Variants in RNF14 observed in about 807,000 individuals in gnomAD.
RNF14 encodes E3 ubiquitin-protein ligase RNF14.
In RNF14, 26 loss-of-function variants were observed where a neutral mutation model predicts 52.6. The ratio of observed to expected loss-of-function variants is 0.49; its 90% CI spans 0.36 to 0.69. RNF14 has a LOEUF of 0.69. RNF14 is among the 30% of genes least tolerant of loss of function. The pLI, the probability that RNF14 is intolerant of heterozygous loss-of-function variation, is 0.00. For missense variants in RNF14, 404 were observed against 560.4 expected, an observed-to-expected ratio of 0.72 and a Z score of 2.82; for synonymous variants, 194 against 202.0, an observed-to-expected ratio of 0.96 and a Z score of 0.34.
At chr5:141,952,457 T>G in the RNF14 span, 1 of 152,134 alleles carries the variant, frequency 6.6e-6, no homozygotes, top group African/African-American at 2.4e-5. Context: ...GGAAAGAGAA[T>G]GAAGGTCTGG....
chr5:141,956,598 C>T, upstream of RNF14: 1 of 1,614,220 alleles, frequency 6.2e-7, no homozygotes, highest in Non-Finnish European at 8.5e-7. Context: ...GCTCTCTGTC[C>T]AGTGTGGCAT....
At chr5:141,957,002 T>C (rs78397925), upstream of RNF14, 8,898 of 1,614,200 alleles carry the variant, frequency 5.5e-3, 29 homozygotes, top group Non-Finnish European at 6.4e-3. This position sits in a 1 kb window ranked among gnomAD's most constrained non-coding sequence, Gnocchi z 4.3. Context: ...ATGTGCTTAC[T>C]GAGGAAGAAC....
At chr5:141,983,229 G>T in intron 6 of RNF14, 151 bp from the exon 7 acceptor site, 2 of 585,748 alleles carry the variant, frequency 3.4e-6, no homozygotes, top group Admixed American at 3.6e-5. Flanking sequence ...ATTGTTATAT[G>T]CATCTCCATG....
At position 141,978,637 on chromosome 5, in the gene RNF14, A is replaced by G; in HGVS notation, c.641A>G (p.Asn214Ser). The G allele has an allele frequency of 6.2e-7, 1 of 1,614,004 alleles. No homozygotes were observed. Among genetic ancestry groups the G allele is most frequent in the East Asian group, 2.2e-5 (1 of 44,888 alleles). The part of the protein sequence containing the change: ...FDQAQQIKCF[N>S]SKLFLCSICF... ...CAAGCTCAGCAGATAAAATGCTTTA[A>G]TAGTAAATTGTTCCTGTGCAGTATC... The change falls in exon 5 of 9, where the codon AAT (asparagine) becomes AGT (serine). Residue 214 changes from asparagine (N) to serine (S), a missense_variant. Asn to Ser is a conservative substitution (Grantham distance 46). Coordinates refer to ENST00000394520, the MANE Select transcript of RNF14 (RefSeq NM_004290.5).
At chr5:141,954,949 A>G, upstream of RNF14, 1 of 1,593,078 alleles carries the variant, frequency 6.3e-7, no homozygotes, top group Non-Finnish European at 8.6e-7. Flanking sequence ...GACCAGAGAA[A>G]GAGCTGCCCA....
intron 4 of RNF14, among the ~76,000 whole-genome samples, chr5:141,977,898 T>C (rs955724099): frequency 1.3e-5 from 2 of 152,254 alleles, no homozygotes; most frequent in African/African-American, 4.8e-5. Context: ...CTAGGACTCC[T>C]AATGGAAGAA....
chr5:141,987,033 A>G (rs1755298404), intron 8 of RNF14, among the ~76,000 whole-genome samples: 1 of 152,230 alleles, frequency 6.6e-6, no homozygotes, highest in Non-Finnish European at 1.5e-5. Context: ...GTCTATTGGC[A>G]GGAAGAAATG....
At chr5:141,965,978 TAAAA>T (rs545449787), upstream of RNF14, among the ~76,000 whole-genome samples, 1 of 127,018 alleles carries the variant, frequency 7.9e-6, no homozygotes, top group Non-Finnish European at 1.7e-5. Flanking sequence ...ACTTAAAAGT[TAAAA>T]AAAAAAAAAA....
upstream of RNF14, among the ~76,000 whole-genome samples, chr5:141,964,247 A>G (rs1258346055): frequency 1.3e-5 from 2 of 152,064 alleles, no homozygotes; most frequent in Admixed American, 1.3e-4. Context: ...TAATCTGGCT[A>G]TTTCTCCTTA....
Position 141,984,944 on chromosome 5 carries a change from A to G in RNF14, c.1367+11A>G, listed in dbSNP as rs1360491726. The G allele has an allele frequency of 1.9e-6, 3 of 1,608,562 alleles. No homozygotes were observed. In the East Asian group the frequency reaches 6.7e-5, roughly 36 times the overall value. Reference sequence around the variant, plus strand: ...ACCATGTTTTAACCGGTATGTATACACAGAATTCCTCAGGCTCACCAGCAA... The same window carrying G: ...ACCATGTTTTAACCGGTATGTATACGCAGAATTCCTCAGGCTCACCAGCAA... On this transcript the variant is annotated intron_variant, in intron 8 of 8. Coordinates refer to ENST00000394520, the MANE Select transcript of RNF14 (RefSeq NM_004290.5).
intron 4 of RNF14, 77 bp downstream of exon 4, chr5:141,975,032 G>T: frequency 6.8e-7 from 1 of 1,473,456 alleles, no homozygotes; most frequent in Non-Finnish European, 9.3e-7. Flanking sequence ...CTATCTTAAA[G>T]ATCTTGAATT....
At chr5:141,985,020 T>A in intron 8 of RNF14, 87 bp downstream of exon 8, 1 of 1,152,494 alleles carries the variant, frequency 8.7e-7, no homozygotes, top group Non-Finnish European at 1.2e-6. Flanking sequence ...ATTTAAGTAC[T>A]TGGACTTATT....
chr5:141,974,720 A>G, intron 3 of RNF14, 84 bp from the exon 4 acceptor site: 1 of 1,305,944 alleles, frequency 7.7e-7, no homozygotes, highest in Non-Finnish European at 1.1e-6. Flanking sequence ...CTAAAGCATT[A>G]AGTCTTTCTT....
chr5:141,972,440 T>C (rs1209955537), intron 2 of RNF14, among the ~76,000 whole-genome samples: 1 of 152,018 alleles, frequency 6.6e-6, no homozygotes, highest in South Asian at 2.1e-4. Flanking sequence ...AGCGGGCCAC[T>C]ATTGGGTATC....
At chr5:141,966,702 G>A (rs1281154818), upstream of RNF14, 1 of 152,272 alleles carries the variant, frequency 6.6e-6, no homozygotes, top group East Asian at 1.9e-4. Flanking sequence ...TAAATCTTTA[G>A]TTCACTTTAA....
In RNF14 at chr5:141,988,314, G is replaced by A. The variant is rs1205200948; in HGVS notation, c.*524G>A. On this transcript the variant is annotated 3_prime_UTR_variant, in exon 9 of 9. Coordinates refer to ENST00000394520, the MANE Select transcript of RNF14 (RefSeq NM_004290.5). ...AATTTCTGCCAAGTCAGTTCTCTTT[G>A]GAGGAAGCCCATTACTCCGTAACTG... 2 of 152,846 alleles carry A rather than the reference G, an allele frequency of 1.3e-5. No homozygotes were observed. Among genetic ancestry groups the A allele is most frequent in the African/African-American group, 4.8e-5 (2 of 41,390 alleles). 9.5% of individuals were successfully genotyped at this position (152,846 alleles called of 1,614,324 possible).
chr5:141,956,432 AGTT>A, upstream of RNF14: 1 of 1,614,196 alleles, frequency 6.2e-7, no homozygotes. Context: ...AGAGAGGGTA[AGTT>A]GTTTTCCCGC....
the RNF14 span, chr5:141,949,675 A>G: frequency 6.8e-7 from 1 of 1,472,226 alleles, no homozygotes; most frequent in African/African-American, 1.4e-5. Context: ...ATTTACCCAT[A>G]TAGGGAACTG....
At chr5:141,981,130 C>T (rs959148669) in intron 6 of RNF14, among the ~76,000 whole-genome samples, 1 of 152,098 alleles carries the variant, frequency 6.6e-6, no homozygotes, top group South Asian at 2.1e-4. Flanking sequence ...GCAGCTAGAG[C>T]AGATAACAAT....
Sources: gnomAD v4.1 joint callset for allele counts (sites outside exome capture counted in the v4.1 genomes callset) on GRCh38, gnomAD v4.1.1 for gene constraint, Gnocchi (gnomAD v3.1) non-coding constraint, MANE v1.5 for transcripts, NCBI Gene and HGNC (gene_info 2026-07-23, HGNC 2026-07-21) for gene names.